The following LNX2 variants were observed in gnomAD, a reference collection of about 807,000 sequenced individuals.
LNX2 encodes ligand of Numb protein X 2.
Under a neutral mutation model 66.2 loss-of-function variants are expected in LNX2, and 35 were observed. The observed-to-expected ratio is 0.53, with a 90% CI of 0.40 to 0.70. The LOEUF (loss-of-function observed/expected upper bound fraction) is 0.70, where lower values mean the gene tolerates loss of function less well. Ranked by LOEUF, LNX2 falls within the 30% of genes least tolerant of loss-of-function variation. The pLI, the probability that LNX2 is intolerant of heterozygous loss-of-function variation, is 0.00. For synonymous variants in LNX2, 337 were observed against 315.6 expected, an observed-to-expected ratio of 1.07 and a Z score of -0.72; for missense variants, 791 against 850.8, an observed-to-expected ratio of 0.93 and a Z score of 0.87.
At chr13:27,602,182 A>G (rs547309856) in intron 1 of LNX2, among the ~76,000 whole-genome samples, 1 of 152,260 alleles carries the variant, frequency 6.6e-6, no homozygotes, top group African/African-American at 2.4e-5. Context: ...CACTCAAGCA[A>G]TCATCCTACC....
chr13:27,619,471 T>C (rs1049047847), intron 1 of LNX2, among the ~76,000 whole-genome samples: 18 of 152,262 alleles, frequency 1.2e-4, no homozygotes, highest in Non-Finnish European at 2.2e-4. Flanking sequence ...AAGTAAGTAC[T>C]ATTGCCGCAA....
intron 1 of LNX2, among the ~76,000 whole-genome samples, chr13:27,610,671 C>T (rs981000626): frequency 2.0e-5 from 3 of 152,042 alleles, no homozygotes; most frequent in Non-Finnish European, 4.4e-5. Flanking sequence ...AAAACTTTTG[C>T]ACATCAAAGG....
chr13:27,615,487 T>C lies in LNX2; in HGVS notation c.-101+4888A>G, dbSNP rs575104074. Among the ~76,000 whole-genome samples, 13 of 152,242 alleles carry C rather than the reference T, an allele frequency of 8.5e-5. No homozygotes were observed. In the East Asian group the frequency reaches 2.5e-3, roughly 29 times the overall value. ...AACATAGGTATGGTTGGTTAAATCATTGGCCATTGGTGATCAGCTTACCCT... is the reference window on the plus strand; with the variant it reads ...AACATAGGTATGGTTGGTTAAATCACTGGCCATTGGTGATCAGCTTACCCT... On this transcript the variant is annotated intron_variant, in intron 1 of 9. Transcript: ENST00000316334.
intron 2 of LNX2, among the ~76,000 whole-genome samples, chr13:27,572,623 T>C (rs182600984): frequency 7.9e-5 from 12 of 152,364 alleles, no homozygotes; most frequent in African/African-American, 2.6e-4. Context: ...TTCCCACTAT[T>C]CTGGCTCTCC....
At position 27,567,696 on chromosome 13, in the gene LNX2, G is replaced by A. The variant is rs555322411; in HGVS notation, c.799C>T (p.Arg267Trp). The change falls in exon 4 of 10, where the codon CGG becomes TGG. Residue 267 changes from arginine to tryptophan, a missense_variant. Arg to Trp is a moderately radical substitution (Grantham distance 101). Coordinates refer to ENST00000316334, the MANE Select transcript of LNX2 (RefSeq NM_153371.4). ...LINIVIQEVY[R>W]DGVIARDGRL... ...CCGTCTCTGGCAATGACCCCATCCC[G>A]ATAGACCTCCTGGATGACAATGTTA... The A allele has an allele frequency of 3.1e-6, 5 of 1,613,890 alleles. No individual in the cohort carries two copies. Among genetic ancestry groups the A allele is most frequent in the East Asian group, 4.5e-5 (2 of 44,880 alleles).
intron 2 of LNX2, among the ~76,000 whole-genome samples, chr13:27,569,914 A>G (rs1380413257): frequency 6.6e-6 from 1 of 152,236 alleles, no homozygotes; most frequent in African/African-American, 2.4e-5. Flanking sequence ...ACTGAAGAAT[A>G]TATTCCAAGT....
intron 1 of LNX2, among the ~76,000 whole-genome samples, chr13:27,619,297 C>T (rs1484254349): frequency 6.6e-6 from 1 of 151,544 alleles, no homozygotes; most frequent in Non-Finnish European, 1.5e-5. Context: ...TTCCCGCTTC[C>T]TTCTTTACCT....
chr13:27,564,587 C>T (rs1353107309), intron 4 of LNX2, among the ~76,000 whole-genome samples: 1 of 151,974 alleles, frequency 6.6e-6, no homozygotes, highest in Non-Finnish European at 1.5e-5. Context: ...AAAGCTCTAA[C>T]AGCATATGGT....
rs1047029044 is a variant in LNX2 at position 27,546,418 on chromosome 13, C to T, written c.*1917G>A. 5.3e-5 allele frequency: 8 copies of T among 152,228 alleles called. No individual in the cohort carries two copies. The highest frequency in any genetic ancestry group is 1.0e-4 in the Non-Finnish European group (7 of 68,034). 9.4% of individuals were successfully genotyped at this position (152,228 alleles called of 1,614,324 possible). On this transcript the variant is annotated 3_prime_UTR_variant, in exon 10 of 10. Transcript: ENST00000316334. Reference sequence around the variant, plus strand: ...AATATCAAAGCATTTCAAAATCAAACTGCTTCCAAAGCCAATCATCACACA... The same window carrying T: ...AATATCAAAGCATTTCAAAATCAAATTGCTTCCAAAGCCAATCATCACACA...
intron 7 of LNX2, among the ~76,000 whole-genome samples, chr13:27,554,384 C>T (rs909604898): frequency 3.0e-4 from 45 of 152,280 alleles, no homozygotes; most frequent in Admixed American, 8.5e-4. Flanking sequence ...TTTAATCACT[C>T]CCTCTATACC....
chr13:27,600,299 C>T (rs1446337591), intron 1 of LNX2, among the ~76,000 whole-genome samples: 1 of 152,176 alleles, frequency 6.6e-6, no homozygotes, highest in East Asian at 1.9e-4. Flanking sequence ...TCAGTTGGGA[C>T]TAGCCACATT....
rs909537569 is a variant in LNX2, at chr13:27,547,749, G to C, written c.*586C>G. On this transcript the variant is annotated 3_prime_UTR_variant, in exon 10 of 10. Coordinates refer to ENST00000316334, the MANE Select transcript of LNX2 (RefSeq NM_153371.4). Reference sequence around the variant, plus strand: ...CACACGCCTGTAGTCCCAGCTACTCGGGAGGCTGAGGTGGGAGAATGGCGT... The same window carrying C: ...CACACGCCTGTAGTCCCAGCTACTCCGGAGGCTGAGGTGGGAGAATGGCGT... 1.3e-5 allele frequency: 2 copies of C among 152,726 alleles called. No homozygotes were observed. Among genetic ancestry groups the C allele is most frequent in the African/African-American group, 4.8e-5 (2 of 41,436 alleles). 9.5% of individuals were successfully genotyped at this position (152,726 alleles called of 1,614,324 possible). A position where few individuals can be genotyped will look rare whatever the true frequency, so the allele number is the denominator to read the frequency against.
chr13:27,558,373 T>C (rs1198783531), intron 6 of LNX2, among the ~76,000 whole-genome samples: 3 of 152,006 alleles, frequency 2.0e-5, no homozygotes. Flanking sequence ...AACATTGTCA[T>C]ATAAAATTAA....
intron 4 of LNX2, among the ~76,000 whole-genome samples, chr13:27,565,961 G>T (rs1955200464): frequency 6.6e-6 from 1 of 152,114 alleles, no homozygotes. Flanking sequence ...TTTAATAAAG[G>T]AGATGGCTAT....
chr13:27,560,565 G>GTGTGTATATATATATATATATATA (rs35007288), intron 5 of LNX2, among the ~76,000 whole-genome samples: 1 of 119,970 alleles, frequency 8.3e-6, no homozygotes, highest in African/African-American at 3.3e-5. Flanking sequence ...ATGTATGTGT[G>GTGTGTATATATATATATATATATA]TATATATATA....
intron 4 of LNX2, among the ~76,000 whole-genome samples, chr13:27,564,673 A>G (rs1267977211): frequency 1.3e-5 from 2 of 152,168 alleles, no homozygotes; most frequent in Admixed American, 6.5e-5. Context: ...AAACCACCAA[A>G]GCCACACACT....
At chr13:27,613,983 A>G (rs1394777462) in intron 1 of LNX2, among the ~76,000 whole-genome samples, 2 of 152,210 alleles carry the variant, frequency 1.3e-5, no homozygotes, top group Non-Finnish European at 2.9e-5. Flanking sequence ...GATAGAAGTA[A>G]AACTGCCTTT....
chr13:27,616,043 C>T (rs879226066), intron 1 of LNX2, among the ~76,000 whole-genome samples: 2 of 152,126 alleles, frequency 1.3e-5, no homozygotes, highest in Admixed American at 1.3e-4. Flanking sequence ...GTCCTAAGAA[C>T]ATGTGCCCAA....
chr13:27,597,828 T>C (rs540322591), intron 1 of LNX2, among the ~76,000 whole-genome samples: 3 of 152,210 alleles, frequency 2.0e-5, no homozygotes, highest in South Asian at 4.1e-4. Flanking sequence ...ATAACCAGCA[T>C]AGACATATCA....
Sources: gnomAD v4.1 joint callset for allele counts (sites outside exome capture counted in the v4.1 genomes callset) on GRCh38, gnomAD v4.1.1 for gene constraint, MANE v1.5 for transcripts, NCBI Gene and HGNC (gene_info 2026-07-23, HGNC 2026-07-21) for gene names.